Variants in TDRD7 observed in about 807,000 individuals in gnomAD.
The protein encoded by TDRD7 is tudor domain containing 7.
In TDRD7, 47 loss-of-function variants were observed where a neutral mutation model predicts 109.8. That is an observed-to-expected ratio of 0.43 (90% CI 0.34 to 0.55). TDRD7 has a LOEUF of 0.55. Ranked by LOEUF, TDRD7 falls within the 20% of genes least tolerant of loss-of-function variation. The pLI is 0.03. For missense variants in TDRD7, 1,164 were observed against 1,319.2 expected, an observed-to-expected ratio of 0.88 and a Z score of 1.82; for synonymous variants, 424 against 457.3, an observed-to-expected ratio of 0.93 and a Z score of 0.93.
At chr9:97,417,752 T>C (rs1827834634) in intron 1 of TDRD7, among the ~76,000 whole-genome samples, 1 of 152,194 alleles carries the variant, frequency 6.6e-6, no homozygotes, top group South Asian at 2.1e-4. Flanking sequence ...CAAATCAAAA[T>C]ATATCAATGG....
chr9:97,468,075 G>A (rs1828847784), intron 8 of TDRD7, among the ~76,000 whole-genome samples: 1 of 152,262 alleles, frequency 6.6e-6, no homozygotes, highest in African/African-American at 2.4e-5. Context: ...TGCTAGGTTT[G>A]AGAATAGCTA....
intron 12 of TDRD7, among the ~76,000 whole-genome samples, chr9:97,476,740 A>G (rs914056003): frequency 4.6e-5 from 7 of 152,036 alleles, no homozygotes; most frequent in African/African-American, 1.4e-4. Context: ...CTTGTATTAT[A>G]TATTTTGGGG....
chr9:97,460,607 A>G lies in TDRD7; in HGVS notation c.1285A>G (p.Met429Val), dbSNP rs961564135. The change falls in exon 7 of 17, where the codon ATG (methionine) becomes GTG (valine). Residue 429 changes from methionine to valine, a missense_variant. Transcript: ENST00000355295. ...QAHGDNDIKA[M>V]VEQEYLQVEE... ...ACATGGTGATAATGATATCAAGGCT[A>G]TGGTTGAACAAGAGTATTTGCAGGT... 20 of 1,614,106 alleles carry G rather than the reference A, an allele frequency of 1.2e-5. 1 individual carries two copies. The Admixed American group carries it at 2.7e-4, about 22-fold the overall frequency.
intron 5 of TDRD7, 82 bp downstream of exon 5, chr9:97,439,400 T>C: frequency 1.8e-6 from 2 of 1,114,730 alleles, no homozygotes; most frequent in South Asian, 1.2e-5. Context: ...TGACATTTGC[T>C]CTCACCTTCT....
At position 97,454,388 on chromosome 9, in the gene TDRD7, G is replaced by A. The variant is rs530726446; in HGVS notation, c.856-5790G>A. 6.8e-4 allele frequency among the ~76,000 whole-genome samples: 104 copies of A among 152,270 alleles called. 2 individuals carry two copies. In the South Asian group the frequency reaches 0.021, roughly 31 times the overall value. ...CCAGCTACTCAGGAGGCTGAGGGAG[G>A]AAAAATGGCGTGCACCAGGGAGGCA... On this transcript the variant is annotated intron_variant, in intron 6 of 16. Coordinates refer to ENST00000355295, the MANE Select transcript of TDRD7 (RefSeq NM_014290.3).
intron 6 of TDRD7, among the ~76,000 whole-genome samples, chr9:97,458,199 A>G (rs1828653334): frequency 6.6e-6 from 1 of 152,188 alleles, no homozygotes; most frequent in South Asian, 2.1e-4. Flanking sequence ...ACACTATGAT[A>G]TTTGCACAAC....
chr9:97,460,886 A>G, intron 7 of TDRD7, 122 bp downstream of exon 7: 1 of 910,324 alleles, frequency 1.1e-6, no homozygotes, highest in East Asian at 2.6e-5. Context: ...TCACACCTGT[A>G]ATCCCAGCAC....
intron 1 of TDRD7, among the ~76,000 whole-genome samples, chr9:97,424,677 T>C (rs1229443945): frequency 6.6e-6 from 1 of 152,202 alleles, no homozygotes; most frequent in Admixed American, 6.5e-5. Flanking sequence ...TGCATTCATA[T>C]TTAAAGTGGG....
At chr9:97,487,094 CA>C (rs1829223571) in intron 15 of TDRD7, 77 bp from the exon 16 acceptor site, 1 of 1,455,022 alleles carries the variant, frequency 6.9e-7, no homozygotes, top group African/African-American at 1.4e-5. Flanking sequence ...TTCTTTTTAT[CA>C]TAAAATATTT....
chr9:97,439,414 G>T, intron 5 of TDRD7, 96 bp downstream of exon 5: 1 of 993,380 alleles, frequency 1.0e-6, no homozygotes. Flanking sequence ...ACCTTCTCCT[G>T]TTTGGAATAT....
At chr9:97,472,155 C>A in intron 9 of TDRD7, 138 bp from the exon 10 acceptor site, 1 of 773,454 alleles carries the variant, frequency 1.3e-6, no homozygotes, top group East Asian at 2.7e-5. Flanking sequence ...GATTGTAAAA[C>A]AAAGCTTTCA....
chr9:97,428,740 T>A, intron 2 of TDRD7, 68 bp downstream of exon 2: 2 of 1,436,702 alleles, frequency 1.4e-6, no homozygotes, highest in Non-Finnish European at 9.7e-7. Flanking sequence ...GCACTTCCAA[T>A]CTCCTACCTG....
intron 9 of TDRD7, 44 bp downstream of exon 9, chr9:97,470,713 A>AATC: frequency 7.1e-7 from 1 of 1,411,414 alleles, no homozygotes; most frequent in Admixed American, 1.7e-5. Context: ...TCAATAGGCT[A>AATC]TTACCACTGT....
chr9:97,470,518 G>C, intron 8 of TDRD7, 40 bp from the exon 9 acceptor site: 6 of 1,546,332 alleles, frequency 3.9e-6, no homozygotes, highest in Non-Finnish European at 5.4e-6. Context: ...TTTTTAAAGA[G>C]AGGATAAAGA....
intron 6 of TDRD7, among the ~76,000 whole-genome samples, chr9:97,454,623 G>A (rs1828569172): frequency 6.6e-6 from 1 of 152,166 alleles, no homozygotes; most frequent in Admixed American, 6.5e-5. Flanking sequence ...AAATCAAGAA[G>A]TTCTTTGAAA....
intron 15 of TDRD7, among the ~76,000 whole-genome samples, chr9:97,484,815 A>T (rs1303227051): frequency 1.3e-5 from 2 of 152,160 alleles, no homozygotes; most frequent in African/African-American, 4.8e-5. Context: ...TTAAAAACCA[A>T]ACTAATGTTC....
chr9:97,453,087 G>C (rs1292285675), intron 6 of TDRD7, among the ~76,000 whole-genome samples: 2 of 152,194 alleles, frequency 1.3e-5, no homozygotes. Context: ...TTAGAAGAAG[G>C]CTATATGGAC....
intron 4 of TDRD7, among the ~76,000 whole-genome samples, chr9:97,433,951 G>A (rs370300914): frequency 2.2e-4 from 34 of 152,158 alleles, no homozygotes; most frequent in African/African-American, 7.7e-4. Flanking sequence ...TATGGAAAAC[G>A]GTATGGAGAT....
chr9:97,453,909 A>G (rs1376736603), intron 6 of TDRD7, among the ~76,000 whole-genome samples: 1 of 152,234 alleles, frequency 6.6e-6, no homozygotes, highest in Non-Finnish European at 1.5e-5. Context: ...ACAAGTTCTT[A>G]GACACCTACA....
Sources: gnomAD v4.1 joint callset for allele counts (sites outside exome capture counted in the v4.1 genomes callset) on GRCh38, gnomAD v4.1.1 for gene constraint, MANE v1.5 for transcripts, NCBI Gene and HGNC (gene_info 2026-07-23, HGNC 2026-07-21) for gene names.